Variants in NUP153 observed in about 807,000 individuals in gnomAD.
NUP153 encodes the protein nucleoporin 153.
In NUP153, 27 loss-of-function variants were observed where a neutral mutation model predicts 134.6. That is an observed-to-expected ratio of 0.20 (90% confidence interval 0.15 to 0.28). The LOEUF (loss-of-function observed/expected upper bound fraction) is 0.28. Among genes scored for constraint, NUP153 ranks in the 10% least tolerant of loss-of-function variants. NUP153 has a pLI of 1.00. For missense variants in NUP153, 1,821 were observed against 1,731.3 expected (o/e 1.05, Z -0.92); for synonymous variants, 640 against 623.5 (o/e 1.03, Z -0.40).
Position 17,629,273 on chromosome 6 carries a change from T to C in NUP153, c.2926A>G (p.Ser976Gly), listed in dbSNP as rs1374429795. The change falls in exon 18 of 22, where the codon AGT (serine) becomes GGT (glycine). Residue 976 changes from serine (S) to glycine (G), a missense_variant. By Grantham distance (56) the Ser-to-Gly change is moderately conservative. Transcript: ENST00000262077. ...ESKPEEVKKD[S>G]KNDNFKFGLS... ...CCAAACTTAAAATTATCATTCTTAC[T>C]ATCTTTTTTAACTTCTTCGGGCTTA... 1.2e-6 allele frequency: 2 copies of C among 1,611,602 alleles called. No individual in the cohort carries two copies. Among genetic ancestry groups the C allele is most frequent in the Non-Finnish European group, 1.7e-6 (2 of 1,179,398 alleles).
chr6:17,688,979 T>G (rs182566008), intron 1 of NUP153, among the ~76,000 whole-genome samples: 1 of 152,036 alleles, frequency 6.6e-6, no homozygotes, highest in Admixed American at 6.6e-5. Flanking sequence ...TGTTAAAACA[T>G]AAACAATACT....
chr6:17,684,859 G>A (rs1768814664), intron 2 of NUP153, among the ~76,000 whole-genome samples: 1 of 152,198 alleles, frequency 6.6e-6, no homozygotes, highest in African/African-American at 2.4e-5. Context: ...GCCAGTTGGT[G>A]GAGCAGCTGG....
intron 11 of NUP153, among the ~76,000 whole-genome samples, chr6:17,656,361 A>C (rs567390659): frequency 6.7e-4 from 102 of 152,306 alleles, no homozygotes; most frequent in South Asian, 5.8e-3. Flanking sequence ...CAAAATTGGC[A>C]GTTGGCCAGA....
rs567608661 is a variant in NUP153 at position 17,625,525 on chromosome 6, G to A, written c.3901+283C>T. Among the ~76,000 whole-genome samples the A allele has an allele frequency of 3.9e-5, 6 of 152,172 alleles. No homozygotes were observed. Among genetic ancestry groups the A allele is most frequent in the Admixed American group, 2.0e-4 (3 of 15,282 alleles). Reference sequence around the variant, plus strand: ...AGCCTGGGTGACAGAGCAAGACTCCGTCTCGAAAGAAAACAAAAACAAAAA... The same window carrying A: ...AGCCTGGGTGACAGAGCAAGACTCCATCTCGAAAGAAAACAAAAACAAAAA... On this transcript the variant is annotated intron_variant, in intron 19 of 21. Coordinates refer to ENST00000262077, the MANE Select transcript of NUP153 (RefSeq NM_005124.4). The surrounding 1 kb of genome is among the most constrained non-coding windows in gnomAD (Gnocchi z 4.7).
rs528595502 is a variant in NUP153 at position 17,660,526 on chromosome 6, G to A, written c.1395+1127C>T. On this transcript the variant is annotated intron_variant, in intron 11 of 21. Transcript: ENST00000262077. ...CAAACATTTATGGTCAGAATATATA[G>A]AGAACTCTTTCTAATAATAAATTAT... 2.0e-5 allele frequency among the ~76,000 whole-genome samples: 3 copies of A among 151,836 alleles called. No individual in the cohort carries two copies. The South Asian group carries it at 6.2e-4, about 31-fold the overall frequency.
At chr6:17,668,603 G>A (rs976707145) in intron 8 of NUP153, among the ~76,000 whole-genome samples, 3 of 152,038 alleles carry the variant, frequency 2.0e-5, no homozygotes, top group African/African-American at 7.2e-5. Context: ...GGCACTTTGG[G>A]AGGCCACGGC....
intron 13 of NUP153, among the ~76,000 whole-genome samples, chr6:17,646,428 G>A (rs1002603152): frequency 2.0e-5 from 3 of 152,066 alleles, no homozygotes; most frequent in Admixed American, 1.3e-4. Flanking sequence ...GGATGGTCTC[G>A]ATCTACTGAC....
intron 11 of NUP153, among the ~76,000 whole-genome samples, chr6:17,657,420 T>C (rs6459561): frequency 0.76 from 114,701 of 150,622 alleles, 43,922 homozygotes; most frequent in East Asian, 0.89. Context: ...AAAAAATAGC[T>C]AGCCTTGGTG....
chr6:17,673,265 A>G (rs1299214279), intron 5 of NUP153, among the ~76,000 whole-genome samples: 3 of 152,100 alleles, frequency 2.0e-5, no homozygotes, highest in African/African-American at 7.2e-5. Context: ...GCTACTCAGG[A>G]GGCTGACGCA....
chr6:17,673,990 T>A (rs906611138), intron 5 of NUP153, among the ~76,000 whole-genome samples: 2 of 152,198 alleles, frequency 1.3e-5, no homozygotes, highest in African/African-American at 4.8e-5. Context: ...CTAACCATAC[T>A]ACTCAGCAAT....
chr6:17,649,185 G>C lies in NUP153; in HGVS notation c.1511C>G (p.Ser504Trp). The change falls in exon 12 of 22, where the codon TCG (serine) becomes TGG (tryptophan). Residue 504 changes from serine to tryptophan, a missense_variant. Ser to Trp is a radical substitution (Grantham distance 177). Transcript: ENST00000262077. ...ITTSSPSPIN[S>W]SQALTNKVQM... ...TACCTTGTTTGTTAATGCTTGAGACGAATTGATGGGTGATGGAGAGGAAGT... is the reference window on the plus strand; with the variant it reads ...TACCTTGTTTGTTAATGCTTGAGACCAATTGATGGGTGATGGAGAGGAAGT... 1 of 1,613,332 alleles carries C rather than the reference G, an allele frequency of 6.2e-7. No homozygotes were observed. Among genetic ancestry groups the C allele is most frequent in the Non-Finnish European group, 8.5e-7 (1 of 1,179,672 alleles).
chr6:17,688,193 G>A (rs6938802), intron 2 of NUP153, among the ~76,000 whole-genome samples: 1 of 152,036 alleles, frequency 6.6e-6, no homozygotes, highest in East Asian at 1.9e-4. Context: ...AGAGCTTGCA[G>A]TCTTAACTGA....
chr6:17,705,248 C>T lies in NUP153; in HGVS notation c.111+1029G>A, dbSNP rs566367252. On this transcript the variant is annotated intron_variant, in intron 1 of 21. Coordinates refer to ENST00000262077, the MANE Select transcript of NUP153 (RefSeq NM_005124.4). ...ACAAATTTAAGACACACACTTCCCA[C>T]CTCAGTATCACTGATAAGTGGCTTT... Among the ~76,000 whole-genome samples the T allele has an allele frequency of 2.6e-5, 4 of 152,308 alleles. No homozygotes were observed. In the South Asian group the frequency reaches 8.3e-4, roughly 32 times the overall value.
chr6:17,704,731 A>C (rs961538418), intron 1 of NUP153, among the ~76,000 whole-genome samples: 4 of 36,240 alleles, frequency 1.1e-4, no homozygotes, highest in African/African-American at 2.7e-4. Context: ...ACTAGAAGAC[A>C]AAAAAAAAAA....
chr6:17,690,379 C>CA (rs533406764), intron 1 of NUP153, among the ~76,000 whole-genome samples: 2,029 of 138,974 alleles, frequency 0.015, 14 homozygotes, highest in Non-Finnish European at 0.019. Flanking sequence ...GACTCCGTCT[C>CA]AAAAAAAAAA....
intron 17 of NUP153, among the ~76,000 whole-genome samples, chr6:17,629,776 G>A (rs1015778989): frequency 6.6e-6 from 1 of 152,186 alleles, no homozygotes; most frequent in Non-Finnish European, 1.5e-5. Context: ...CAGACTGGCT[G>A]CGATAAAGTT....
chr6:17,646,026 G>T, intron 14 of NUP153, 41 bp downstream of exon 14: 2 of 841,812 alleles, frequency 2.4e-6, no homozygotes, highest in Non-Finnish European at 2.0e-6. Context: ...TCTACTGTAT[G>T]CAATTGTTTG....
chr6:17,694,133 CCTAA>C (rs1174863753), intron 1 of NUP153, among the ~76,000 whole-genome samples: 7 of 152,074 alleles, frequency 4.6e-5, no homozygotes, highest in Admixed American at 2.0e-4. Context: ...TCCTTGTCTT[CCTAA>C]CTTAGAACAT....
intron 1 of NUP153, among the ~76,000 whole-genome samples, chr6:17,698,079 C>CT (rs1769782515): frequency 6.6e-6 from 1 of 152,160 alleles, no homozygotes; most frequent in African/African-American, 2.4e-5. Flanking sequence ...TTCACTGGAT[C>CT]TTTAACTATA....
Sources: allele counts gnomAD v4.1 joint callset (sites outside exome capture counted in the v4.1 genomes callset), GRCh38; gene constraint gnomAD v4.1.1; non-coding constraint Gnocchi (gnomAD v3.1); transcripts MANE v1.5; gene names NCBI Gene and HGNC (gene_info 2026-07-23, HGNC 2026-07-21).